The following CFAP20DC variants were observed in gnomAD, a reference collection of about 807,000 sequenced individuals.
CFAP20DC encodes CFAP20 domain containing, also known as protein CFAP20DC.
In CFAP20DC, 84 loss-of-function variants were observed where a neutral mutation model predicts 101.7. The ratio of observed to expected loss-of-function variants is 0.83; its 90% confidence interval spans 0.69 to 0.99. The LOEUF is 0.99. Ranked by LOEUF, CFAP20DC falls within the 50% of genes least tolerant of loss-of-function variation. CFAP20DC has a pLI of 0.00. For synonymous variants in CFAP20DC, 359 were observed against 351.2 expected, an observed-to-expected ratio of 1.02 and a Z score of -0.25; for missense variants, 1,007 against 970.3, an observed-to-expected ratio of 1.04 and a Z score of -0.50.
chr3:58,959,369 C>T (rs957390143), intron 4 of CFAP20DC, among the ~76,000 whole-genome samples: 3 of 152,244 alleles, frequency 2.0e-5, no homozygotes, highest in Non-Finnish European at 4.4e-5. Flanking sequence ...GTTGGGATTA[C>T]AGGCGTAAGC....
At chr3:58,806,548 T>C (rs753302084) in intron 14 of CFAP20DC, 92 bp from the exon 15 acceptor site, 25 of 894,768 alleles carry the variant, frequency 2.8e-5, no homozygotes, top group Non-Finnish European at 4.4e-5. Flanking sequence ...AACTGTTTCC[T>C]CAGACACAAC....
intron 15 of CFAP20DC, among the ~76,000 whole-genome samples, chr3:58,789,497 A>G (rs531196852): frequency 2.6e-5 from 4 of 152,318 alleles, no homozygotes; most frequent in East Asian, 3.9e-4. Context: ...TCAGAAGTCA[A>G]ATAAAACAAT....
intron 13 of CFAP20DC, among the ~76,000 whole-genome samples, chr3:58,834,876 T>A (rs953461073): frequency 6.6e-6 from 1 of 152,152 alleles, no homozygotes; most frequent in African/African-American, 2.4e-5. Flanking sequence ...ACAAACATTT[T>A]AAAATAGTAT....
chr3:58,934,309 C>G (rs1473902428), intron 5 of CFAP20DC, among the ~76,000 whole-genome samples: 1 of 152,126 alleles, frequency 6.6e-6, no homozygotes, highest in African/African-American at 2.4e-5. Context: ...GAGTCCAGGA[C>G]CAGATGGACT....
intron 15 of CFAP20DC, among the ~76,000 whole-genome samples, chr3:58,804,911 C>T (rs1005668317): frequency 1.6e-4 from 24 of 152,276 alleles, no homozygotes; most frequent in African/African-American, 4.8e-4. Flanking sequence ...ATTCACCCTA[C>T]TAGGTAACAT....
intron 4 of CFAP20DC, among the ~76,000 whole-genome samples, chr3:59,030,701 G>C (rs763644139): frequency 3.3e-5 from 5 of 152,196 alleles, no homozygotes; most frequent in Admixed American, 6.5e-5. Flanking sequence ...TCAGTAATAG[G>C]ATAAGAAAGA....
At chr3:59,047,611 G>C (rs1423658065) in intron 1 of CFAP20DC, among the ~76,000 whole-genome samples, 1 of 152,052 alleles carries the variant, frequency 6.6e-6, no homozygotes, top group African/African-American at 2.4e-5. Context: ...CCACACTAAA[G>C]GGTTTAAACG....
At chr3:58,987,200 T>C (rs879519082) in intron 4 of CFAP20DC, among the ~76,000 whole-genome samples, 6 of 152,098 alleles carry the variant, frequency 3.9e-5, no homozygotes, top group Non-Finnish European at 8.8e-5. Context: ...TTAGGTAAGA[T>C]GTTTGTGTTA....
chr3:58,805,100 G>C (rs576091921), intron 15 of CFAP20DC, among the ~76,000 whole-genome samples: 1 of 152,192 alleles, frequency 6.6e-6, no homozygotes, highest in Non-Finnish European at 1.5e-5. Context: ...GTTTATTGCT[G>C]ACTGGACCAG....
At chr3:59,043,460 C>T (rs1452526275) in intron 3 of CFAP20DC, among the ~76,000 whole-genome samples, 1 of 151,818 alleles carries the variant, frequency 6.6e-6, no homozygotes, top group Non-Finnish European at 1.5e-5. Context: ...ATCAAAGCCA[C>T]TGAGGGGTTT....
intron 4 of CFAP20DC, among the ~76,000 whole-genome samples, chr3:59,011,768 T>C (rs1029304523): frequency 1.3e-5 from 2 of 152,224 alleles, no homozygotes; most frequent in African/African-American, 2.4e-5. Context: ...ATTACAACCA[T>C]AGTCATGGGT....
intron 4 of CFAP20DC, among the ~76,000 whole-genome samples, chr3:58,941,327 CAAAAAAAAAAAAAAAAAAAAA>C (rs752324535): frequency 1.0e-4 from 2 of 19,510 alleles, no homozygotes; most frequent in African/African-American, 3.7e-4. Context: ...GACTCCGTCT[CAAAAAAAAAAAAAAAAAAAAA>C]AAAAAAAAGA....
chr3:58,961,871 T>C (rs1013261115), intron 4 of CFAP20DC, among the ~76,000 whole-genome samples: 1 of 152,196 alleles, frequency 6.6e-6, no homozygotes, highest in Admixed American at 6.5e-5. Flanking sequence ...TGAGCAGTGT[T>C]CTCCTGTTTT....
rs762510561 is a variant in CFAP20DC at position 59,047,233 on chromosome 3, A to C, written c.43T>G (p.Phe15Val). ...CCAGGATTTTTTCCTTGAGCACTGA[A>C]AATTTCAACAAATGCACCTCCCTAG... Reference protein sequence around the residue: ...EYQGGAFVEIFSAQGKNPGAK... With the variant: ...EYQGGAFVEIVSAQGKNPGAK... The change falls in exon 2 of 17, where the codon TTC becomes GTC. Residue 15 changes from phenylalanine (F) to valine (V), a missense_variant. Phe to Val is a conservative substitution (Grantham distance 50, BLOSUM62 -1). Transcript: ENST00000482387. 1.3e-6 allele frequency: 2 copies of C among 1,533,726 alleles called. No homozygotes were observed. Among genetic ancestry groups the C allele is most frequent in the South Asian group, 2.4e-5 (2 of 83,958 alleles).
At chr3:59,037,236 C>T (rs2094120671) in intron 4 of CFAP20DC, among the ~76,000 whole-genome samples, 2 of 152,088 alleles carry the variant, frequency 1.3e-5, no homozygotes, top group South Asian at 4.1e-4. Flanking sequence ...GACTTCATGA[C>T]TAAAACACCA....
intron 4 of CFAP20DC, among the ~76,000 whole-genome samples, chr3:58,982,152 A>T (rs1317031704): frequency 2.6e-5 from 4 of 152,232 alleles, no homozygotes; most frequent in African/African-American, 9.6e-5. Flanking sequence ...TCAAAACCAC[A>T]ATGAGATACC....
chr3:58,821,791 C>T (rs2075666241), intron 14 of CFAP20DC, among the ~76,000 whole-genome samples: 1 of 145,070 alleles, frequency 6.9e-6, no homozygotes, highest in Non-Finnish European at 1.5e-5. Context: ...CATCCCATTA[C>T]TGGGTATATA....
At chr3:58,911,829 G>C (rs2084186668) in intron 6 of CFAP20DC, among the ~76,000 whole-genome samples, 1 of 151,988 alleles carries the variant, frequency 6.6e-6, no homozygotes, top group Non-Finnish European at 1.5e-5. Context: ...ATCTCCTGTG[G>C]CTTGGTTATA....
chr3:58,759,958 T>G (rs1181695924), intron 15 of CFAP20DC, among the ~76,000 whole-genome samples: 3 of 152,186 alleles, frequency 2.0e-5, no homozygotes, highest in Admixed American at 6.5e-5. Flanking sequence ...TAGTTTGAAG[T>G]CAGGTAGCAT....
Sources: allele counts gnomAD v4.1 joint callset (sites outside exome capture counted in the v4.1 genomes callset), GRCh38; gene constraint gnomAD v4.1.1; transcripts MANE v1.5; gene names NCBI Gene and HGNC (gene_info 2026-07-23, HGNC 2026-07-21).